Variants in NSL1 observed in about 807,000 individuals in gnomAD.
NSL1 encodes the protein kinetochore-associated protein NSL1 homolog.
A neutral mutation model predicts 25.4 loss-of-function variants in NSL1; 11 were observed. The ratio of observed to expected loss-of-function variants is 0.43; its 90% CI spans 0.27 to 0.72. NSL1 has a LOEUF of 0.72. Ranked by LOEUF, NSL1 falls within the 30% of genes least tolerant of loss-of-function variation. The probability of loss-of-function intolerance (pLI) is 0.19; values close to 1 mark genes in which losing one functional copy is unlikely to be tolerated. For missense variants in NSL1, 330 were observed against 342.7 expected, an observed-to-expected ratio of 0.96 and a Z score of 0.29; for synonymous variants, 118 against 120.6, an observed-to-expected ratio of 0.98 and a Z score of 0.14.
chr1:212,782,272 G>A, intron 4 of NSL1, 100 bp downstream of exon 4: 1 of 838,626 alleles, frequency 1.2e-6, no homozygotes, highest in Admixed American at 1.9e-5. Flanking sequence ...AGCATCAAAG[G>A]GAGAATATCC....
At position 212,791,026 on chromosome 1, in the gene NSL1, G is replaced by A. The variant is rs373647676; in HGVS notation, c.234+504C>T. The stretch of plus-strand genomic sequence containing the variant: ...CTGACTTCCAGAATTACCCTTTCCA[G>A]GAGAATTCCTCATTGTCTGCGGCTG... On this transcript the variant is annotated intron_variant, in intron 1 of 5. Coordinates refer to ENST00000366977, the MANE Select transcript of NSL1 (RefSeq NM_015471.4). Among the ~76,000 whole-genome samples, 208 of 152,308 alleles carry A rather than the reference G, an allele frequency of 1.4e-3. 5 individuals carry two copies. The South Asian group carries it at 0.043, about 31-fold the overall frequency.
chr1:212,729,537 C>T lies in NSL1; in HGVS notation c.*8871G>A, dbSNP rs898658380. The T allele has an allele frequency of 1.0e-6, 1 of 985,318 alleles. No individual in the cohort carries two copies. The highest frequency in any genetic ancestry group is 1.7e-5 in the African/African-American group (1 of 57,238). The allele number at this position is 985,318 out of a possible 1,614,324, so 61.0% of individuals were successfully genotyped here. A position where few individuals can be genotyped will look rare whatever the true frequency, so the allele number is the denominator to read the frequency against. ...GACCTGGAGCAGGGGTGCCCTACAA[C>T]TTTGCCCATTTTTATTATTCTGCCA... On this transcript the variant is annotated 3_prime_UTR_variant, in exon 6 of 6. Coordinates refer to ENST00000366977, the MANE Select transcript of NSL1 (RefSeq NM_015471.4).
In NSL1 at chr1:212,737,118, G is replaced by C; in HGVS notation, c.*1290C>G. On this transcript the variant is annotated 3_prime_UTR_variant, in exon 6 of 6. Coordinates refer to ENST00000366977, the MANE Select transcript of NSL1 (RefSeq NM_015471.4). ...TGACCCACCATCCAACTGAAGCTGA[G>C]CTCAGGAATGCCTAAGACAACTCAT... is the stretch of plus-strand genomic sequence containing the variant. 6.1e-6 allele frequency: 6 copies of C among 985,430 alleles called. No homozygotes were observed. The highest frequency in any genetic ancestry group is 7.2e-6 in the Non-Finnish European group (6 of 829,922). 61.0% of individuals were successfully genotyped at this position (985,430 alleles called of 1,614,324 possible). A position where few individuals can be genotyped will look rare whatever the true frequency, so the allele number is the denominator to read the frequency against.
At chr1:212,785,482 C>T (rs548199988) in intron 2 of NSL1, among the ~76,000 whole-genome samples, 3 of 152,052 alleles carry the variant, frequency 2.0e-5, no homozygotes, top group South Asian at 4.2e-4. Context: ...TAATGCTATC[C>T]CTCCCCACTC....
rs1658254920 is a variant in NSL1, at chr1:212,736,955, T to C, written c.*1453A>G. The C allele has an allele frequency of 1.0e-6, 1 of 984,560 alleles. No homozygotes were observed. 61.0% of individuals were successfully genotyped at this position (984,560 alleles called of 1,614,324 possible). A position where few individuals can be genotyped will look rare whatever the true frequency, so the allele number is the denominator to read the frequency against. ...ATAGAATTAACAATAACTCTTTTGT[T>C]TGGGGACCTCTGAAGTGAAACAAAT... On this transcript the variant is annotated 3_prime_UTR_variant, in exon 6 of 6. Transcript: ENST00000366977.
Position 212,728,779 on chromosome 1 carries a change from C to A in NSL1, c.*9629G>T. 1 of 985,372 alleles carries A rather than the reference C, an allele frequency of 1.0e-6. No individual in the cohort carries two copies. Among genetic ancestry groups the A allele is most frequent in the Non-Finnish European group, 1.2e-6 (1 of 829,922 alleles). 61.0% of individuals were successfully genotyped at this position (985,372 alleles called of 1,614,324 possible). ...TTGTTGCCACATCTCGCAGCTTCTCCCTTCTGTTTTTCCTCTCACTCTGAC... is the reference window on the plus strand; with the variant it reads ...TTGTTGCCACATCTCGCAGCTTCTCACTTCTGTTTTTCCTCTCACTCTGAC... On this transcript the variant is annotated 3_prime_UTR_variant, in exon 6 of 6. Transcript: ENST00000366977.
chr1:212,784,487 T>G lies in NSL1; in HGVS notation c.320A>C (p.Asp107Ala). ...EASDNCFMDS[D>A]IKVLEDQFDE... ...AAACTGATCTTCAAGTACTTTGATG[T>G]CAGAATCTATTTGAGAAAAAAAAAT... is the stretch of plus-strand genomic sequence containing the variant. The change falls in exon 3 of 6, where the codon GAC becomes GCC. Residue 107 changes from aspartate to alanine, a missense_variant. Physicochemically the swap from Asp to Ala is moderately radical, Grantham distance 126. Coordinates refer to ENST00000366977, the MANE Select transcript of NSL1 (RefSeq NM_015471.4). 2 of 1,535,580 alleles carry G rather than the reference T, an allele frequency of 1.3e-6. No homozygotes were observed. Among genetic ancestry groups the G allele is most frequent in the Non-Finnish European group, 1.8e-6 (2 of 1,130,008 alleles).
intron 4 of NSL1, among the ~76,000 whole-genome samples, chr1:212,753,757 G>A (rs1157525840): frequency 6.6e-6 from 1 of 152,122 alleles, no homozygotes; most frequent in Non-Finnish European, 1.5e-5. Context: ...AAAACTCATG[G>A]AGCTTTCAGT....
At chr1:212,757,392 G>A (rs2102449957) in intron 4 of NSL1, among the ~76,000 whole-genome samples, 1 of 152,282 alleles carries the variant, frequency 6.6e-6, no homozygotes, top group Admixed American at 6.5e-5. Context: ...AGTAGAACTG[G>A]ATGGAAGGAG....
At chr1:212,747,426 C>T (rs753859899) in intron 4 of NSL1, among the ~76,000 whole-genome samples, 37 of 152,230 alleles carry the variant, frequency 2.4e-4, no homozygotes, top group Non-Finnish European at 4.6e-4. Context: ...AAGTCTCTAA[C>T]ACACCAGCCA....
At chr1:212,784,341 T>C (rs1308651910) in intron 3 of NSL1, 22 bp downstream of exon 3, 3 of 1,522,146 alleles carry the variant, frequency 2.0e-6, no homozygotes, top group East Asian at 4.6e-5. Context: ...TACTATAACA[T>C]TTTAAAGGCA....
chr1:212,738,942 T>C (rs1000290047), intron 5 of NSL1, among the ~76,000 whole-genome samples: 2 of 152,138 alleles, frequency 1.3e-5, no homozygotes, highest in Non-Finnish European at 1.5e-5. Context: ...TTTGTATTTT[T>C]AGTAGACGTG....
intron 4 of NSL1, among the ~76,000 whole-genome samples, chr1:212,751,579 A>T (rs1659067854): frequency 6.6e-6 from 1 of 152,248 alleles, no homozygotes; most frequent in South Asian, 2.1e-4. Context: ...GTAAAGAACT[A>T]AAACATTAAA....
Position 212,734,532 on chromosome 1 carries a change from G to A in NSL1, c.*3876C>T, listed in dbSNP as rs976200006. ...TTTTGCTCACCCAAAAATGTTTCCC[G>A]TGCCATTCCCAGTTAATATCTCCCC... On this transcript the variant is annotated 3_prime_UTR_variant, in exon 6 of 6. Transcript: ENST00000366977. 7.2e-5 allele frequency among the ~76,000 whole-genome samples: 11 copies of A among 152,078 alleles called. No homozygotes were observed. The highest frequency in any genetic ancestry group is 2.7e-4 in the African/African-American group (11 of 41,398).
chr1:212,791,443 G>A, intron 1 of NSL1, 87 bp downstream of exon 1: 1 of 1,250,278 alleles, frequency 8.0e-7, no homozygotes, highest in Non-Finnish European at 1.1e-6. Context: ...TTCTGCCAAG[G>A]CCTGGCGTGG....
chr1:212,779,786 G>A, intron 4 of NSL1, among the ~76,000 whole-genome samples: 1 of 131,418 alleles, frequency 7.6e-6, no homozygotes, highest in African/African-American at 2.9e-5. Flanking sequence ...GGAGGTGGGG[G>A]GGTCAGCCCC....
chr1:212,784,543 G>A (rs919473767), intron 2 of NSL1, 50 bp from the exon 3 acceptor site: 3 of 1,200,844 alleles, frequency 2.5e-6, no homozygotes, highest in African/African-American at 3.1e-5. Context: ...AAAACTCATT[G>A]TTTACATTCT....
At chr1:212,759,446 G>GA (rs1659457691) in intron 4 of NSL1, among the ~76,000 whole-genome samples, 1 of 152,138 alleles carries the variant, frequency 6.6e-6, no homozygotes, top group South Asian at 2.1e-4. Context: ...AAATGTAAAT[G>GA]AGAGATCCCA....
rs1658319909 is a variant in NSL1, at chr1:212,738,253, C to G, written c.*155G>C. The G allele has an allele frequency of 5.7e-6, 8 of 1,394,554 alleles. No individual in the cohort carries two copies. The South Asian group carries it at 1.0e-4, about 18-fold the overall frequency. The allele number at this position is 1,394,554 out of a possible 1,614,324, so 86.4% of individuals were successfully genotyped here. A position where few individuals can be genotyped will look rare whatever the true frequency, so the allele number is the denominator to read the frequency against. On this transcript the variant is annotated 3_prime_UTR_variant, in exon 6 of 6. Transcript: ENST00000366977. ...ACAGTAAGGAAATACAATATTATAT[C>G]ATATCCCCGCACAGAGATACTATAT...
Sources: allele counts gnomAD v4.1 joint callset (sites outside exome capture counted in the v4.1 genomes callset), GRCh38; gene constraint gnomAD v4.1.1; transcripts MANE v1.5; gene names NCBI Gene and HGNC (gene_info 2026-07-23, HGNC 2026-07-21).